The following TTC28 variants were observed in gnomAD, a reference collection of about 807,000 sequenced individuals.
TTC28 encodes the protein tetratricopeptide repeat domain 28, also known as tetratricopeptide repeat protein 28.
Under a neutral mutation model 198.0 loss-of-function variants are expected in TTC28, and 61 were observed. The ratio of observed to expected loss-of-function variants is 0.31; its 90% CI spans 0.25 to 0.38. TTC28 has a LOEUF of 0.38. Among genes scored for constraint, TTC28 ranks in the 10% least tolerant of loss-of-function variants. The pLI is 1.00. For synonymous variants in TTC28, 1,171 were observed against 1,297.8 expected (o/e 0.90, Z 2.10); for missense variants, 2,678 against 3,164.0 (o/e 0.85, Z 3.69).
At chr22:28,459,620 GCTTT>G in intron 2 of TTC28, among the ~76,000 whole-genome samples, 1 of 152,244 alleles carries the variant, frequency 6.6e-6, no homozygotes, top group Admixed American at 6.5e-5. Context: ...TCAGCAGTCT[GCTTT>G]CTTTCTTGTT....
chr22:28,425,353 C>T lies in TTC28; in HGVS notation c.382-118710G>A, dbSNP rs5762619. 2.6e-5 allele frequency among the ~76,000 whole-genome samples: 4 copies of T among 152,286 alleles called. No individual in the cohort carries two copies. In the East Asian group the frequency reaches 7.7e-4, roughly 29 times the overall value. ...TGTCAGAAACAAAAACAAATATATT[C>T]CAAGGCACTGGCTAAATGCCTTTTA... On this transcript the variant is annotated intron_variant, in intron 2 of 22. Transcript: ENST00000397906.
At chr22:28,097,827 G>C (rs1012111246) in intron 10 of TTC28, among the ~76,000 whole-genome samples, 2 of 152,168 alleles carry the variant, frequency 1.3e-5, no homozygotes, top group African/African-American at 4.8e-5. Context: ...TTATTAACTG[G>C]AACAGCAGGA....
chr22:27,998,467 A>G (rs1937590019), intron 16 of TTC28, 73 bp downstream of exon 16: 1 of 1,478,674 alleles, frequency 6.8e-7, no homozygotes, highest in African/African-American at 1.4e-5. Context: ...CCCCACTGGC[A>G]GAATAAAGTC....
Position 27,982,543 on chromosome 22 carries a change from A to G in TTC28, c.7124T>C (p.Met2375Thr). 7 of 1,551,646 alleles carry G rather than the reference A, an allele frequency of 4.5e-6. No individual in the cohort carries two copies. Among genetic ancestry groups the G allele is most frequent in the Non-Finnish European group, 6.1e-6 (7 of 1,146,988 alleles). ...QSTPQHSTGP[M>T]KIFRGAPGTM... ...GCCAGGAGCCCCCCGGAAGATCTTC[A>G]TTGGCCCTGTGGAATGCTGGGGTGT... The change falls in exon 23 of 23, where the codon ATG (methionine) becomes ACG (threonine). Residue 2375 changes from methionine (M) to threonine (T), a missense_variant. Met to Thr is a moderately conservative substitution (Grantham distance 81, BLOSUM62 -1). Around this residue, in one of 8 missense-constraint regions of TTC28, gnomAD observed 622 missense variants for 656.0 expected, o/e 0.95. Coordinates refer to ENST00000397906, the MANE Select transcript of TTC28 (RefSeq NM_001145418.2). This position sits in a 1 kb window ranked among gnomAD's most constrained non-coding sequence, Gnocchi z 5.2.
At chr22:28,002,263 A>T (rs1286785383) in intron 14 of TTC28, 1 of 152,560 alleles carries the variant, frequency 6.6e-6, no homozygotes, top group African/African-American at 2.4e-5. Flanking sequence ...GCAGGCAACA[A>T]TCCTGGAAGC....
rs117813584 is a variant in TTC28 at position 28,003,256 on chromosome 22, G to A, written c.4219-1703C>T. On this transcript the variant is annotated intron_variant, in intron 14 of 22. Transcript: ENST00000397906. ...CTCTGGAGGGCAGTGCCACCACACC[G>A]TGGAGGTGTGCCAGTGAACCTCGAA... Among the ~76,000 whole-genome samples the A allele has an allele frequency of 2.5e-4, 38 of 152,276 alleles. No individual in the cohort carries two copies. The East Asian group carries it at 3.9e-3, about 16-fold the overall frequency.
intron 5 of TTC28, among the ~76,000 whole-genome samples, chr22:28,290,982 AAT>A (rs1285508698): frequency 6.6e-6 from 1 of 152,118 alleles, no homozygotes. Context: ...AGGAAAAGAA[AAT>A]CTCCCTAAAA....
At chr22:28,522,728 T>C (rs968902374) in intron 2 of TTC28, among the ~76,000 whole-genome samples, 2 of 152,050 alleles carry the variant, frequency 1.3e-5, no homozygotes, top group Admixed American at 6.5e-5. Flanking sequence ...CACTACCATA[T>C]GGACAAACCT....
At chr22:28,310,348 G>A (rs1357977370) in intron 2 of TTC28, among the ~76,000 whole-genome samples, 2 of 152,154 alleles carry the variant, frequency 1.3e-5, no homozygotes, top group African/African-American at 4.8e-5. Flanking sequence ...ATGCCCTATT[G>A]TTAAAATTGT....
At chr22:28,460,607 GTAGATAGATAGA>G (rs4035771) in intron 2 of TTC28, among the ~76,000 whole-genome samples, 45,258 of 144,384 alleles carry the variant, frequency 0.31, 7,377 homozygotes, top group Admixed American at 0.37. Flanking sequence ...ATGATTAATG[GTAGATAGATAGA>G]TAGATAGATA....
chr22:28,279,985 C>T (rs894329319), intron 5 of TTC28, among the ~76,000 whole-genome samples: 1 of 152,178 alleles, frequency 6.6e-6, no homozygotes, highest in African/African-American at 2.4e-5. Context: ...TACATCCATT[C>T]TTCCATTGAG....
intron 12 of TTC28, among the ~76,000 whole-genome samples, chr22:28,084,880 TC>T (rs1454640400): frequency 2.0e-5 from 3 of 152,018 alleles, no homozygotes; most frequent in African/African-American, 7.2e-5. Context: ...GCCTCAGTAG[TC>T]GATGCGATCA....
At chr22:28,294,562 C>G (rs1266560298) in intron 5 of TTC28, among the ~76,000 whole-genome samples, 2 of 150,900 alleles carry the variant, frequency 1.3e-5, no homozygotes, top group African/African-American at 4.9e-5. Context: ...GCAGCTCTTG[C>G]CTTTTTTTTT....
Position 28,105,569 on chromosome 22 carries a change from A to G in TTC28, c.3017T>C (p.Val1006Ala). 6.4e-7 allele frequency: 1 copy of G among 1,551,360 alleles called. No individual in the cohort carries two copies. Among genetic ancestry groups the G allele is most frequent in the Non-Finnish European group, 8.7e-7 (1 of 1,146,952 alleles). The change falls in exon 8 of 23, where the codon GTT (valine) becomes GCT (alanine). Residue 1006 changes from valine (V) to alanine (A), a missense_variant. Coordinates refer to ENST00000397906, the MANE Select transcript of TTC28 (RefSeq NM_001145418.2). ...ESDAACGLGG[V>A]YQQMGEYDTA... ...GTCATACTCCCCCATCTGCTGGTAA[A>G]CGCCCCCCAGGCCACAGGCTGCGTC...
chr22:28,290,109 T>C (rs750326108), intron 5 of TTC28, among the ~76,000 whole-genome samples: 5 of 152,202 alleles, frequency 3.3e-5, no homozygotes, highest in African/African-American at 1.2e-4. Flanking sequence ...ATCTAGCTAC[T>C]TTGGAAAATC....
chr22:28,451,933 C>A (rs1038258447), intron 2 of TTC28, among the ~76,000 whole-genome samples: 1 of 152,026 alleles, frequency 6.6e-6, no homozygotes, highest in African/African-American at 2.4e-5. Context: ...CATATTTGGG[C>A]CAGAATATAC....
intron 12 of TTC28, among the ~76,000 whole-genome samples, chr22:28,073,821 C>T (rs1235883773): frequency 6.6e-6 from 1 of 152,132 alleles, no homozygotes; most frequent in African/African-American, 2.4e-5. Context: ...GACTTGTGGA[C>T]ACAGAAGGAG....
chr22:28,337,465 G>T (rs2045748160), intron 2 of TTC28, among the ~76,000 whole-genome samples: 1 of 152,136 alleles, frequency 6.6e-6, no homozygotes, highest in African/African-American at 2.4e-5. Context: ...TTATTATTGT[G>T]TGGGGGTCTA....
intron 13 of TTC28, among the ~76,000 whole-genome samples, chr22:28,021,914 G>A (rs1311749254): frequency 3.9e-5 from 6 of 152,210 alleles, no homozygotes; most frequent in African/African-American, 7.2e-5. Context: ...TCTAGAGTAC[G>A]GACATGGAAT....
Sources: gnomAD v4.1 joint callset for allele counts (sites outside exome capture counted in the v4.1 genomes callset) on GRCh38, gnomAD v4.1.1 for gene constraint, gnomAD v4.1.1 regional missense constraint, Gnocchi (gnomAD v3.1) non-coding constraint, MANE v1.5 for transcripts, NCBI Gene and HGNC (gene_info 2026-07-23, HGNC 2026-07-21) for gene names.